RGS10: variants seen among roughly 807,000 people sequenced by gnomAD.
RGS10 encodes the protein regulator of G-protein signalling 10.
A neutral mutation model predicts 23.5 loss-of-function variants in RGS10; 11 were observed. The ratio of observed to expected loss-of-function variants is 0.47; its 90% confidence interval spans 0.29 to 0.77. The LOEUF is 0.77. Among genes scored for constraint, RGS10 ranks in the 30% least tolerant of loss-of-function variants. The probability of loss-of-function intolerance (pLI) is 0.08; values close to 1 mark genes in which losing one functional copy is unlikely to be tolerated. For missense variants in RGS10, 180 were observed against 226.3 expected, an observed-to-expected ratio of 0.80 and a Z score of 1.31; for synonymous variants, 77 against 83.2, an observed-to-expected ratio of 0.92 and a Z score of 0.41.
chr10:119,535,697 C>T (rs1050493472), intron 1 of RGS10, among the ~76,000 whole-genome samples: 5 of 152,196 alleles, frequency 3.3e-5, no homozygotes, highest in African/African-American at 1.2e-4. Context: ...TCCTCAACAG[C>T]AGAGTCAACT....
At chr10:119,512,546 T>TAA (rs11446612) in intron 4 of RGS10, among the ~76,000 whole-genome samples, 1 of 150,782 alleles carries the variant, frequency 6.6e-6, no homozygotes, top group Non-Finnish European at 1.5e-5. Context: ...TCTATGCAAT[T>TAA]AAAAAAAATT....
chr10:119,528,226 T>C (rs1844297642), intron 1 of RGS10, among the ~76,000 whole-genome samples: 1 of 152,078 alleles, frequency 6.6e-6, no homozygotes, highest in African/African-American at 2.4e-5. Flanking sequence ...AGACGGGGTT[T>C]TACCATGTTG....
chr10:119,516,795 G>A (rs1288548504), intron 3 of RGS10, among the ~76,000 whole-genome samples: 2 of 152,162 alleles, frequency 1.3e-5, no homozygotes, highest in Non-Finnish European at 2.9e-5. Context: ...GCGCCTCAGG[G>A]CGGGGCTGCA....
intron 1 of RGS10, 69 bp downstream of exon 1, chr10:119,542,521 G>A: frequency 1.5e-6 from 2 of 1,298,720 alleles, no homozygotes; most frequent in East Asian, 3.1e-5. Flanking sequence ...GCACAAGAGG[G>A]AGGGCAGGAG....
At position 119,507,746 on chromosome 10, in the gene RGS10, G is replaced by A. The variant is rs528230780; in HGVS notation, c.400-7487C>T. ...ATTATAGGCACATGCAACCATGTCC[G>A]GCTACTTTTTGTATTTTTAGTAGAG... On this transcript the variant is annotated intron_variant, in intron 4 of 4. Transcript: ENST00000369103. 5.3e-5 allele frequency among the ~76,000 whole-genome samples: 8 copies of A among 152,020 alleles called. No homozygotes were observed. In the South Asian group the frequency reaches 1.0e-3, roughly 20 times the overall value.
intron 1 of RGS10, among the ~76,000 whole-genome samples, chr10:119,533,800 C>T (rs1407636831): frequency 6.6e-6 from 1 of 152,172 alleles, no homozygotes; most frequent in Non-Finnish European, 1.5e-5. Context: ...AGCTGTAAAA[C>T]ATTTTTGCAA....
chr10:119,519,812 C>T (rs1282512440), intron 3 of RGS10, among the ~76,000 whole-genome samples: 2 of 152,182 alleles, frequency 1.3e-5, no homozygotes, highest in Non-Finnish European at 1.5e-5. Context: ...TCCCTGTCCC[C>T]TCCGTGAATT....
chr10:119,500,702 C>T (rs1342185584), intron 4 of RGS10, among the ~76,000 whole-genome samples: 6 of 149,626 alleles, frequency 4.0e-5, no homozygotes, highest in Admixed American at 1.3e-4. Flanking sequence ...ATTGTTAAGA[C>T]TCCCAGTAAG....
At chr10:119,533,088 T>C (rs926705110) in intron 1 of RGS10, among the ~76,000 whole-genome samples, 1 of 145,980 alleles carries the variant, frequency 6.9e-6, no homozygotes, top group Non-Finnish European at 1.5e-5. Flanking sequence ...CCGGGCACAG[T>C]GGCTCACGCC....
chr10:119,527,330 G>T lies in RGS10; in HGVS notation c.144C>A (p.Asp48Glu). The change falls in exon 2 of 5, where the codon GAC becomes GAA. Residue 48 changes from aspartate to glutamate, a missense_variant. By Grantham distance (45) the Asp-to-Glu change is conservative. Coordinates refer to ENST00000369103, the MANE Select transcript of RGS10 (RefSeq NM_001005339.2). The surrounding 1 kb of genome is among the most constrained non-coding windows in gnomAD (Gnocchi z 4.2). ...CCCTAAATCTTTTCACGCCTTCTGG[G>T]TCTTCCAGCAGATTCTCCAGGGATG... ...WAASLENLLE[D>E]PEGVKRFREF... is the part of the protein sequence containing the mutation. The T allele has an allele frequency of 6.2e-7, 1 of 1,613,894 alleles. No individual in the cohort carries two copies. The highest frequency in any genetic ancestry group is 8.5e-7 in the Non-Finnish European group (1 of 1,179,786).
chr10:119,515,603 G>T lies in RGS10; in HGVS notation c.305C>A (p.Ala102Asp). The stretch of plus-strand genomic sequence containing the variant: ...CCCCTCCACGTTGACCTGTGATGAG[G>T]CCTTGCTGGACAGAAAGGTCATGTA... ...EIYMTFLSSK[A>D]SSQVNVEGQS... is the part of the protein sequence containing the mutation. Residue 102 changes from alanine (A) to aspartate (D), a missense_variant, in exon 4 of 5, where the codon GCC (alanine) becomes GAC (aspartate). Transcript: ENST00000369103. 6.2e-7 allele frequency: 1 copy of T among 1,614,100 alleles called. No individual in the cohort carries two copies. The highest frequency in any genetic ancestry group is 8.5e-7 in the Non-Finnish European group (1 of 1,179,968).
At chr10:119,521,996 T>C (rs959049923) in intron 3 of RGS10, among the ~76,000 whole-genome samples, 4 of 152,184 alleles carry the variant, frequency 2.6e-5, no homozygotes, top group African/African-American at 9.7e-5. Flanking sequence ...AGGGAAGAAG[T>C]CATTCTCGTG....
intron 1 of RGS10, among the ~76,000 whole-genome samples, chr10:119,535,044 C>T (rs960503734): frequency 5.9e-5 from 9 of 152,120 alleles, no homozygotes; most frequent in Non-Finnish European, 1.3e-4. Flanking sequence ...AACTGAGGCA[C>T]GGTAACTTAC....
chr10:119,515,593 C>T lies in RGS10; in HGVS notation c.315G>A (p.Gln105=). Residue 105 remains glutamine, a synonymous_variant, in exon 4 of 5, where the codon CAG becomes CAA. Coordinates refer to ENST00000369103, the MANE Select transcript of RGS10 (RefSeq NM_001005339.2). ...MTFLSSKASS[Q]VNVEGQSRLN... The stretch of plus-strand genomic sequence containing the variant: ...GCCGAGACTGCCCCTCCACGTTGAC[C>T]TGTGATGAGGCCTTGCTGGACAGAA... 1 of 1,614,194 alleles carries T rather than the reference C, an allele frequency of 6.2e-7. No individual in the cohort carries two copies. The highest frequency in any genetic ancestry group is 8.5e-7 in the Non-Finnish European group (1 of 1,180,038).
At chr10:119,520,361 G>A (rs554590343) in intron 3 of RGS10, among the ~76,000 whole-genome samples, 3 of 152,162 alleles carry the variant, frequency 2.0e-5, no homozygotes, top group Admixed American at 2.0e-4. Flanking sequence ...CGAGAAGCGC[G>A]TCCGGAGACG....
chr10:119,531,613 A>T (rs1269702611), intron 1 of RGS10, among the ~76,000 whole-genome samples: 1 of 152,146 alleles, frequency 6.6e-6, no homozygotes, highest in Admixed American at 6.5e-5. Flanking sequence ...CTCAAAACAC[A>T]CTAATGTGGT....
chr10:119,538,246 A>C lies in RGS10; in HGVS notation c.49+4344T>G, dbSNP rs900444805. On this transcript the variant is annotated intron_variant, in intron 1 of 4. Coordinates refer to ENST00000369103, the MANE Select transcript of RGS10 (RefSeq NM_001005339.2). The surrounding 1 kb of genome is among the most constrained non-coding windows in gnomAD (Gnocchi z 4.5). ...TAAATATATTTTAGCAAAGTCGCTA[A>C]ATGGTTGTTGTGTTTAGGTGGCCGT... Among the ~76,000 whole-genome samples the C allele has an allele frequency of 2.6e-5, 4 of 152,142 alleles. No homozygotes were observed. The highest frequency in any genetic ancestry group is 5.9e-5 in the Non-Finnish European group (4 of 68,034).
chr10:119,512,025 C>T (rs1844081903), intron 4 of RGS10, among the ~76,000 whole-genome samples: 1 of 152,210 alleles, frequency 6.6e-6, no homozygotes, highest in Non-Finnish European at 1.5e-5. Context: ...GTTGGCTCAT[C>T]TAGCCTGGGG....
chr10:119,533,683 G>A (rs886293369), intron 1 of RGS10, among the ~76,000 whole-genome samples: 2 of 152,216 alleles, frequency 1.3e-5, no homozygotes, highest in Non-Finnish European at 2.9e-5. Context: ...TGTCAGGCAT[G>A]TTCTCCAGCA....
Sources: allele counts gnomAD v4.1 joint callset (sites outside exome capture counted in the v4.1 genomes callset), GRCh38; gene constraint gnomAD v4.1.1; non-coding constraint Gnocchi (gnomAD v3.1); transcripts MANE v1.5; gene names NCBI Gene and HGNC (gene_info 2026-07-23, HGNC 2026-07-21).